The following BAIAP2L2 variants were observed in gnomAD, a reference collection of about 807,000 sequenced individuals.
The protein encoded by BAIAP2L2 is BAR/IMD domain containing adaptor protein 2 like 2, also known as BAR/IMD domain-containing adapter protein 2-like 2.
BAIAP2L2 carries 65 observed loss-of-function variants against 60.4 expected under a neutral mutation model. That is an observed-to-expected ratio of 1.08 (90% CI 0.88 to 1.32). The LOEUF (loss-of-function observed/expected upper bound fraction) is 1.32, where lower values mean the gene tolerates loss of function less well. BAIAP2L2 is among the 40% of genes most tolerant of loss of function. The pLI is 0.00. For missense variants in BAIAP2L2, 836 were observed against 741.2 expected (o/e 1.13, Z -1.48); for synonymous variants, 344 against 301.7 (o/e 1.14, Z -1.45).
intron 3 of BAIAP2L2, 111 bp downstream of exon 3, chr22:38,108,144 C>A: frequency 8.9e-7 from 1 of 1,118,724 alleles, no homozygotes. Context: ...AAGAGTCTGG[C>A]TCTGGGCCCT....
At chr22:38,089,349 C>G in intron 8 of BAIAP2L2, 118 bp from the exon 9 acceptor site, 1 of 573,320 alleles carries the variant, frequency 1.7e-6, no homozygotes, top group Non-Finnish European at 2.6e-6. Flanking sequence ...GGGGCGGAGA[C>G]CGGGCCACCA....
At chr22:38,098,534 C>G in intron 4 of BAIAP2L2, 52 bp from the exon 5 acceptor site, 1 of 1,471,450 alleles carries the variant, frequency 6.8e-7, no homozygotes, top group East Asian at 2.3e-5. Context: ...TGTTCCCAGG[C>G]CCCAGCACCC....
At chr22:38,102,732 A>G (rs1162132427) in intron 4 of BAIAP2L2, among the ~76,000 whole-genome samples, 2 of 152,052 alleles carry the variant, frequency 1.3e-5, no homozygotes. Context: ...ATCTCTATAA[A>G]AAGAGTTTAA....
rs536811414 is a variant in BAIAP2L2, at chr22:38,100,021, T to C, written c.277-1539A>G. On this transcript the variant is annotated intron_variant, in intron 4 of 13. Coordinates refer to ENST00000381669, the MANE Select transcript of BAIAP2L2 (RefSeq NM_025045.6). Reference sequence around the variant, plus strand: ...GTCTGCAAGGGAGCTTGAGGGTGCCTCTTTGGTACTGAAACCCTGAGCTAT... The same window carrying C: ...GTCTGCAAGGGAGCTTGAGGGTGCCCCTTTGGTACTGAAACCCTGAGCTAT... 2.0e-5 allele frequency among the ~76,000 whole-genome samples: 3 copies of C among 152,364 alleles called. No individual in the cohort carries two copies. The South Asian group carries it at 6.2e-4, about 32-fold the overall frequency.
rs1051122900 is a variant in BAIAP2L2 at position 38,085,676 on chromosome 22, G to A, written c.1514+10C>T. ...CTCCTCACTGTTTGGGCCCCCATGT[G>A]AGGACTCACCTCGGGAAGAGCTCCT... On this transcript the variant is annotated intron_variant, in intron 13 of 13. Coordinates refer to ENST00000381669, the MANE Select transcript of BAIAP2L2 (RefSeq NM_025045.6). 1 of 1,613,150 alleles carries A rather than the reference G, an allele frequency of 6.2e-7. No individual in the cohort carries two copies. Among genetic ancestry groups the A allele is most frequent in the Non-Finnish European group, 8.5e-7 (1 of 1,179,638 alleles).
At chr22:38,089,698 TCAGC>T in intron 7 of BAIAP2L2, 24 bp from the exon 8 acceptor site, 6 of 1,228,208 alleles carry the variant, frequency 4.9e-6, no homozygotes, top group Non-Finnish European at 6.1e-6. Context: ...GACACGGGGG[TCAGC>T]CAGGTCCGGG....
Position 38,089,411 on chromosome 22 carries a change from G to A in BAIAP2L2, c.765+111C>T, listed in dbSNP as rs1432108897. The A allele has an allele frequency of 2.0e-5, 13 of 639,320 alleles. No individual in the cohort carries two copies. The African/African-American group carries it at 2.1e-4, about 10-fold the overall frequency. The allele number at this position is 639,320 out of a possible 1,614,324, so 39.6% of individuals were successfully genotyped here. The stretch of plus-strand genomic sequence containing the variant: ...GGAAGGGCAGGCCGGGGGATGCAGC[G>A]TAGAGCGGGAGCCTGGGGGGCAGGA... On this transcript the variant is annotated intron_variant, in intron 8 of 13. Coordinates refer to ENST00000381669, the MANE Select transcript of BAIAP2L2 (RefSeq NM_025045.6).
intron 6 of BAIAP2L2, 119 bp downstream of exon 6, chr22:38,097,944 T>C: frequency 1.0e-6 from 1 of 957,168 alleles, no homozygotes; most frequent in Non-Finnish European, 1.6e-6. Context: ...CTCATCACAG[T>C]TGGGCTGGTG....
chr22:38,089,813 A>G (rs1252709069), intron 7 of BAIAP2L2, 139 bp from the exon 8 acceptor site: 2 of 852,280 alleles, frequency 2.3e-6, no homozygotes, highest in South Asian at 1.2e-4. Flanking sequence ...AAGGAGCCAG[A>G]AGCCAGCTCA....
chr22:38,106,498 C>T (rs1022889748), intron 4 of BAIAP2L2, among the ~76,000 whole-genome samples: 4 of 138,940 alleles, frequency 2.9e-5, no homozygotes, highest in Non-Finnish European at 6.1e-5. Context: ...CCAGCCTGGA[C>T]GACAGAGCAA....
intron 7 of BAIAP2L2, among the ~76,000 whole-genome samples, chr22:38,091,845 C>T (rs2086310957): frequency 6.6e-6 from 1 of 152,156 alleles, no homozygotes; most frequent in East Asian, 1.9e-4. Flanking sequence ...TGAAAAGATA[C>T]TGGCATGTCA....
chr22:38,087,318 T>C, intron 10 of BAIAP2L2, 54 bp from the exon 11 acceptor site: 2 of 1,560,528 alleles, frequency 1.3e-6, no homozygotes, highest in South Asian at 1.2e-5. Flanking sequence ...CTGGGGACAA[T>C]GACCAAAAGA....
At chr22:38,105,905 G>A (rs1200328081) in intron 4 of BAIAP2L2, among the ~76,000 whole-genome samples, 2 of 152,148 alleles carry the variant, frequency 1.3e-5, no homozygotes, top group Non-Finnish European at 2.9e-5. Flanking sequence ...GTGGCCTCTG[G>A]CACTGTTCTG....
At chr22:38,099,439 C>T (rs945341790) in intron 4 of BAIAP2L2, among the ~76,000 whole-genome samples, 2 of 151,988 alleles carry the variant, frequency 1.3e-5, no homozygotes, top group African/African-American at 2.4e-5. Context: ...GAGGCTGAGG[C>T]AGGAGAATCA....
intron 8 of BAIAP2L2, 27 bp downstream of exon 8, chr22:38,089,477 GGGCGGCGGGGGCGCGAAC>G (rs964386451): frequency 5.2e-4 from 578 of 1,116,042 alleles, no homozygotes; most frequent in South Asian, 1.7e-3. Flanking sequence ...CCCCCGCGGG[GGGCGGCGGGGGCGCGAAC>G]GGCGGCGGGG....
Position 38,085,376 on chromosome 22 carries a change from C to A in BAIAP2L2, c.1515-1G>T. 1.9e-6 allele frequency: 3 copies of A among 1,613,570 alleles called. No individual in the cohort carries two copies. Among genetic ancestry groups the A allele is most frequent in the Non-Finnish European group, 2.5e-6 (3 of 1,179,654 alleles). On this transcript the variant is annotated splice_acceptor_variant, in intron 13 of 13. Coordinates refer to ENST00000381669, the MANE Select transcript of BAIAP2L2 (RefSeq NM_025045.6). LOFTEE classifies it high-confidence loss of function. Reference sequence around the variant, plus strand: ...GACAGTGGCAAAAGGATTTGTGCCCCTGTAGGAGGAGAGAGAGAATGGGGT... The same window carrying A: ...GACAGTGGCAAAAGGATTTGTGCCCATGTAGGAGGAGAGAGAGAATGGGGT...
Position 38,097,065 on chromosome 22 carries a change from T to C in BAIAP2L2, c.579A>G (p.Leu193=), listed in dbSNP as rs1201382252. Reference sequence around the variant, plus strand: ...AGAACTGCAGGAAGGTGTTGGAAAGTAGCAGGTGCTTCTCTGCTAGGAAGC... The same window carrying C: ...AGAACTGCAGGAAGGTGTTGGAAAGCAGCAGGTGCTTCTCTGCTAGGAAGC... ...RYRFLAEKHL[L]LSNTFLQFFG... Residue 193 remains leucine (L), a synonymous_variant, in exon 7 of 14, where the codon CTA becomes CTG. Transcript: ENST00000381669. 1 of 1,614,026 alleles carries C rather than the reference T, an allele frequency of 6.2e-7. No homozygotes were observed. Among genetic ancestry groups the C allele is most frequent in the Non-Finnish European group, 8.5e-7 (1 of 1,179,962 alleles).
chr22:38,106,002 G>T (rs2086658101), intron 4 of BAIAP2L2, among the ~76,000 whole-genome samples: 1 of 152,122 alleles, frequency 6.6e-6, no homozygotes, highest in African/African-American at 2.4e-5. Flanking sequence ...TTACAGAGTG[G>T]GCCTGGGTGA....
chr22:38,104,329 G>A (rs369492907), intron 4 of BAIAP2L2, among the ~76,000 whole-genome samples: 2 of 152,228 alleles, frequency 1.3e-5, no homozygotes, highest in Admixed American at 6.5e-5. Flanking sequence ...GCAAGGCTCC[G>A]GATCCAGAGG....
Sources: gnomAD v4.1 joint callset for allele counts (sites outside exome capture counted in the v4.1 genomes callset) on GRCh38, gnomAD v4.1.1 for gene constraint, MANE v1.5 for transcripts, NCBI Gene and HGNC (gene_info 2026-07-23, HGNC 2026-07-21) for gene names.